Variants in SDK2 observed in about 807,000 individuals in gnomAD.
The protein encoded by SDK2 is sidekick cell adhesion molecule 2, also known as protein sidekick-2.
A neutral mutation model predicts 253.9 loss-of-function variants in SDK2; 105 were observed. That is an observed-to-expected ratio of 0.41 (90% CI 0.35 to 0.49). SDK2 has a LOEUF of 0.49. SDK2 is among the 20% of genes least tolerant of loss of function. SDK2 has a pLI of 0.06. For synonymous variants in SDK2, 1,249 were observed against 1,234.9 expected, an observed-to-expected ratio of 1.01 and a Z score of -0.24; for missense variants, 2,608 against 3,003.0, an observed-to-expected ratio of 0.87 and a Z score of 3.07.
rs1057107025 is a variant in SDK2, at chr17:73,361,228, G to T, written c.5467+456C>A. 4.6e-5 allele frequency among the ~76,000 whole-genome samples: 7 copies of T among 152,148 alleles called. No homozygotes were observed. The highest frequency in any genetic ancestry group is 1.7e-4 in the African/African-American group (7 of 41,428). ...CCCTCGGAGCATCCACCCTGGGAAC[G>T]TGCATTTTAGTGCGCCCTGCTCTGA... On this transcript the variant is annotated intron_variant, in intron 39 of 44. Coordinates refer to ENST00000392650, the MANE Select transcript of SDK2 (RefSeq NM_001144952.2). The surrounding 1 kb of genome is among the most constrained non-coding windows in gnomAD (Gnocchi z 4.1).
intron 16 of SDK2, among the ~76,000 whole-genome samples, chr17:73,417,609 A>G (rs2063193557): frequency 6.6e-6 from 1 of 152,004 alleles, no homozygotes; most frequent in Admixed American, 6.6e-5. Flanking sequence ...AGGGGCACTG[A>G]GAGGTCCCAG....
At chr17:73,493,781 A>T (rs11658110) in intron 2 of SDK2, among the ~76,000 whole-genome samples, 1 of 152,336 alleles carries the variant, frequency 6.6e-6, no homozygotes, top group South Asian at 2.1e-4. Flanking sequence ...TGCTCTGTGG[A>T]CTATGGATGG....
chr17:73,402,765 G>A (rs1403635230), intron 18 of SDK2, among the ~76,000 whole-genome samples: 1 of 151,324 alleles, frequency 6.6e-6, no homozygotes, highest in Non-Finnish European at 1.5e-5. Context: ...CACTATGCTC[G>A]GCCCAGCCCT....
intron 39 of SDK2, among the ~76,000 whole-genome samples, chr17:73,360,935 C>G (rs2062634473): frequency 6.9e-6 from 1 of 145,526 alleles, no homozygotes; most frequent in Non-Finnish European, 1.5e-5. Context: ...GACTCTGTCT[C>G]CAGAAAAAAA....
chr17:73,345,946 C>T (rs1599468243), intron 44 of SDK2, among the ~76,000 whole-genome samples: 1 of 152,218 alleles, frequency 6.6e-6, no homozygotes, highest in South Asian at 2.1e-4. Context: ...GTGGCTCACA[C>T]CTGTGATCCC....
intron 36 of SDK2, among the ~76,000 whole-genome samples, chr17:73,377,343 C>G (rs2062791026): frequency 6.6e-6 from 1 of 151,794 alleles, no homozygotes; most frequent in African/African-American, 2.4e-5. Context: ...CTCAGCCTCC[C>G]AAATAGCTGG....
intron 3 of SDK2, among the ~76,000 whole-genome samples, chr17:73,457,089 C>G (rs2063530857): frequency 6.6e-6 from 1 of 152,156 alleles, no homozygotes; most frequent in Admixed American, 6.5e-5. Flanking sequence ...TTATTTGTCC[C>G]AAACTTGACT....
In SDK2 at chr17:73,349,660, GGCT is replaced by G. The variant is rs1223871264; in HGVS notation, c.6038+574_6038+576del. On this transcript the variant is annotated intron_variant, in intron 43 of 44. Transcript: ENST00000392650. ...CCACGAGCCTTGTCCTGTCCTCATG[GGCT>G]GCTTTCAGATGCTGCCCTTTGAGGC... Among the ~76,000 whole-genome samples, 11 of 152,300 alleles carry G rather than the reference GGCT, an allele frequency of 7.2e-5. No homozygotes were observed. In the East Asian group the frequency reaches 1.7e-3, roughly 24 times the overall value.
intron 44 of SDK2, among the ~76,000 whole-genome samples, chr17:73,346,459 G>A (rs985303868): frequency 1.3e-5 from 2 of 150,472 alleles, no homozygotes; most frequent in Non-Finnish European, 2.9e-5. Context: ...TGAAGTTGCC[G>A]TCCAGCCAGG....
rs373774628 is a variant in SDK2, at chr17:73,408,046, C to CTTTTTTTTTTTTTTTTT, written c.2485-5906_2485-5905insAAAAAAAAAAAAAAAAA. On this transcript the variant is annotated intron_variant, in intron 18 of 44. Transcript: ENST00000392650. The stretch of plus-strand genomic sequence containing the variant: ...ACACCATCTAGGAAGTAAAATATTT[C>CTTTTTTTTTTTTTTTTT]CTTTTTTTTTTTTTTTTTCTTTTGA... Among the ~76,000 whole-genome samples, 5 of 50,950 alleles carry CTTTTTTTTTTTTTTTTT rather than the reference C, an allele frequency of 9.8e-5. 2 individuals carry two copies. Among genetic ancestry groups the CTTTTTTTTTTTTTTTTT allele is most frequent in the Non-Finnish European group, 1.6e-4 (4 of 24,352 alleles). 33.4% of individuals were successfully genotyped at this position (50,950 alleles called of 152,430 possible).
chr17:73,548,553 A>G (rs978195069), intron 1 of SDK2, among the ~76,000 whole-genome samples: 2 of 152,250 alleles, frequency 1.3e-5, no homozygotes, highest in Non-Finnish European at 1.5e-5. Flanking sequence ...CCAAGGTCCA[A>G]CTGGCACAGA....
rs372289510 is a variant in SDK2, at chr17:73,402,188, A to T, written c.2485-47T>A. 16 of 1,578,570 alleles carry T rather than the reference A, an allele frequency of 1.0e-5. No individual in the cohort carries two copies. The African/African-American group carries it at 1.9e-4, about 19-fold the overall frequency. On this transcript the variant is annotated intron_variant, in intron 18 of 44. Coordinates refer to ENST00000392650, the MANE Select transcript of SDK2 (RefSeq NM_001144952.2). ...ACACAGGGCAGCAGGAAGGTTCCAG[A>T]GGAGGCCAAGCCCTCTCCCACAGGC...
rs1599509097 is a variant in SDK2, at chr17:73,386,303, G to T, written c.4498+142C>A. ...GTGTCTCTGGCCCAAACCTCCCTGA[G>T]ACCCTACCCCGGGAGCTGAAGGGCC... On this transcript the variant is annotated intron_variant, in intron 31 of 44. Coordinates refer to ENST00000392650, the MANE Select transcript of SDK2 (RefSeq NM_001144952.2). 1.2e-5 allele frequency: 8 copies of T among 662,824 alleles called. 1 individual carries two copies. The East Asian group carries it at 2.2e-4, about 18-fold the overall frequency. The allele number at this position is 662,824 out of a possible 1,614,324, so 41.1% of individuals were successfully genotyped here. A position where few individuals can be genotyped will look rare whatever the true frequency, so the allele number is the denominator to read the frequency against.
chr17:73,586,250 A>G (rs1317452179), intron 1 of SDK2, among the ~76,000 whole-genome samples: 1 of 151,950 alleles, frequency 6.6e-6, no homozygotes. Flanking sequence ...CCCTCCTGCC[A>G]TTCTCCTGGA....
chr17:73,546,206 G>A (rs567673371), intron 1 of SDK2, among the ~76,000 whole-genome samples: 6 of 152,322 alleles, frequency 3.9e-5, no homozygotes, highest in Non-Finnish European at 5.9e-5. Context: ...CAGGGCAGGC[G>A]GAGGCAGAGT....
At chr17:73,351,739 G>A (rs2062540263) in intron 41 of SDK2, among the ~76,000 whole-genome samples, 1 of 152,138 alleles carries the variant, frequency 6.6e-6, no homozygotes, top group Non-Finnish European at 1.5e-5. Context: ...GACTACCCAT[G>A]CTGTGTGGAC....
At chr17:73,368,663 C>A (rs1330101025) in intron 36 of SDK2, 70 bp from the exon 37 acceptor site, 27 of 1,324,680 alleles carry the variant, frequency 2.0e-5, no homozygotes, top group Non-Finnish European at 2.7e-5. Context: ...CCCTGCTGAC[C>A]TGTAGTCTCA....
intron 1 of SDK2, among the ~76,000 whole-genome samples, chr17:73,633,915 G>T (rs1599741703): frequency 1.3e-5 from 2 of 152,170 alleles, no homozygotes; most frequent in Admixed American, 1.3e-4. Flanking sequence ...GGGCTGGCAG[G>T]GTGGGGAGGG....
intron 18 of SDK2, among the ~76,000 whole-genome samples, chr17:73,406,246 C>CTT (rs56122304): frequency 0.018 from 2,521 of 139,738 alleles, 29 homozygotes; most frequent in Non-Finnish European, 0.021. Flanking sequence ...CTACTACACT[C>CTT]TTTTTTTTTT....
Sources: allele counts gnomAD v4.1 joint callset (sites outside exome capture counted in the v4.1 genomes callset), GRCh38; gene constraint gnomAD v4.1.1; non-coding constraint Gnocchi (gnomAD v3.1); transcripts MANE v1.5; gene names NCBI Gene and HGNC (gene_info 2026-07-23, HGNC 2026-07-21).